ETS1: variants seen among roughly 807,000 people sequenced by gnomAD.
The protein encoded by ETS1 is protein C-ets-1.
A neutral mutation model predicts 58.6 loss-of-function variants in ETS1; 15 were observed. That is an observed-to-expected ratio of 0.26 (90% confidence interval 0.17 to 0.39). The LOEUF is 0.39. ETS1 is among the 10% of genes least tolerant of loss of function. ETS1 has a pLI of 1.00. For synonymous variants in ETS1, 214 were observed against 218.2 expected, an observed-to-expected ratio of 0.98 and a Z score of 0.17; for missense variants, 417 against 610.5, an observed-to-expected ratio of 0.68 and a Z score of 3.34.
In ETS1 at chr11:128,548,664, C is replaced by T. The variant is rs1396129364; in HGVS notation, c.214+7627G>A. On this transcript the variant is annotated intron_variant, in intron 3 of 9. Coordinates refer to ENST00000392668, the MANE Select transcript of ETS1 (RefSeq NM_001143820.2). ...CCCGCTTGGGGCCCAGGCGCTGCCA[C>T]AGGCCGAAGGGCGAGGTTCGGGCCG... Among the ~76,000 whole-genome samples the T allele has an allele frequency of 3.3e-5, 5 of 152,264 alleles. No individual in the cohort carries two copies. The South Asian group carries it at 1.0e-3, about 31-fold the overall frequency.
At chr11:128,572,487 T>C (rs76082970) in intron 2 of ETS1, among the ~76,000 whole-genome samples, 4,447 of 152,304 alleles carry the variant, frequency 0.029, 231 homozygotes, top group African/African-American at 0.099. Context: ...GAGAAATTTG[T>C]CAAAGCATTT....
intron 1 of ETS1, among the ~76,000 whole-genome samples, chr11:128,581,157 A>G (rs1864863139): frequency 6.6e-6 from 1 of 152,196 alleles, no homozygotes; most frequent in African/African-American, 2.4e-5. Flanking sequence ...ACCATACAGT[A>G]CTGAAATGGC....
chr11:128,508,020 T>C (rs1195946103), intron 3 of ETS1, among the ~76,000 whole-genome samples: 6 of 152,234 alleles, frequency 3.9e-5, no homozygotes, highest in Non-Finnish European at 8.8e-5. Flanking sequence ...AAAATAATGC[T>C]TTAGAGTTGG....
intron 1 of ETS1, among the ~76,000 whole-genome samples, chr11:128,581,978 T>A (rs1026858708): frequency 6.6e-5 from 10 of 152,252 alleles, no homozygotes; most frequent in Admixed American, 2.0e-4. Context: ...AGCAACTTCT[T>A]GGACTATGTC....
chr11:128,580,170 G>T (rs1864836563), intron 1 of ETS1, among the ~76,000 whole-genome samples: 1 of 103,192 alleles, frequency 9.7e-6, no homozygotes, highest in South Asian at 3.1e-4. Flanking sequence ...GTTATCGTTT[G>T]GACATTAAAA....
chr11:128,469,169 C>T (rs890130671), intron 8 of ETS1, among the ~76,000 whole-genome samples: 1 of 152,208 alleles, frequency 6.6e-6, no homozygotes, highest in Non-Finnish European at 1.5e-5. Flanking sequence ...AGTTAATTTG[C>T]TACTTTAAGA....
chr11:128,473,642 G>A (rs754353184), intron 8 of ETS1, among the ~76,000 whole-genome samples: 2 of 152,166 alleles, frequency 1.3e-5, no homozygotes, highest in Non-Finnish European at 2.9e-5. Flanking sequence ...TCTACCTGCA[G>A]GCATCCCCAA....
chr11:128,533,894 T>C (rs917343088), intron 3 of ETS1, among the ~76,000 whole-genome samples: 6 of 152,228 alleles, frequency 3.9e-5, no homozygotes, highest in Non-Finnish European at 8.8e-5. Context: ...ACTGAGTAAC[T>C]GAGTAAATGA....
At chr11:128,470,192 G>A (rs1267804380) in intron 8 of ETS1, among the ~76,000 whole-genome samples, 12 of 152,188 alleles carry the variant, frequency 7.9e-5, no homozygotes, top group Admixed American at 1.3e-4. Context: ...TTTGACTGCC[G>A]AGTTCATGTC....
chr11:128,521,878 G>T, intron 3 of ETS1: 2 of 1,569,972 alleles, frequency 1.3e-6, no homozygotes, highest in Non-Finnish European at 1.7e-6. Context: ...CTCTGGCCGA[G>T]AGCTTGGGTG....
At chr11:128,583,948 A>G (rs1864925144) in intron 1 of ETS1, among the ~76,000 whole-genome samples, 1 of 151,988 alleles carries the variant, frequency 6.6e-6, no homozygotes, top group Non-Finnish European at 1.5e-5. Context: ...TTCTACCTGA[A>G]CTCCCAAAGC....
At position 128,549,072 on chromosome 11, in the gene ETS1, G is replaced by A. The variant is rs925470097; in HGVS notation, c.214+7219C>T. 5.3e-5 allele frequency among the ~76,000 whole-genome samples: 8 copies of A among 152,304 alleles called. No individual in the cohort carries two copies. The East Asian group carries it at 1.5e-3, about 29-fold the overall frequency. Reference sequence around the variant, plus strand: ...AGCGGGCCGCCTCCTCCAGCTGCAGGCTCCGGGCTGAGACCCCTGGCTGCA... The same window carrying A: ...AGCGGGCCGCCTCCTCCAGCTGCAGACTCCGGGCTGAGACCCCTGGCTGCA... On this transcript the variant is annotated intron_variant, in intron 3 of 9. Coordinates refer to ENST00000392668, the MANE Select transcript of ETS1 (RefSeq NM_001143820.2). This position sits in a 1 kb window ranked among gnomAD's most constrained non-coding sequence, Gnocchi z 4.3.
At chr11:128,494,729 C>T (rs1256419871) in intron 3 of ETS1, among the ~76,000 whole-genome samples, 2 of 152,160 alleles carry the variant, frequency 1.3e-5, no homozygotes, top group Non-Finnish European at 2.9e-5. Flanking sequence ...CACTAGGTGG[C>T]TTTTGTTTGG....
At chr11:128,535,252 T>C (rs940465724) in intron 3 of ETS1, among the ~76,000 whole-genome samples, 1 of 152,248 alleles carries the variant, frequency 6.6e-6, no homozygotes, top group Non-Finnish European at 1.5e-5. Flanking sequence ...ATTCATGTTC[T>C]TTGCCCACTT....
chr11:128,532,322 G>A (rs982396150), intron 3 of ETS1, among the ~76,000 whole-genome samples: 23 of 152,294 alleles, frequency 1.5e-4, no homozygotes, highest in African/African-American at 5.3e-4. Flanking sequence ...CAAACCATCG[G>A]TGCTCTTAGG....
At chr11:128,571,125 T>C (rs968803641) in intron 2 of ETS1, among the ~76,000 whole-genome samples, 1 of 152,062 alleles carries the variant, frequency 6.6e-6, no homozygotes, top group African/African-American at 2.4e-5. Context: ...TGGTTTTTTT[T>C]AATGCTAAAA....
At chr11:128,513,513 C>T (rs1863443153) in intron 3 of ETS1, among the ~76,000 whole-genome samples, 2 of 152,176 alleles carry the variant, frequency 1.3e-5, no homozygotes, top group Non-Finnish European at 2.9e-5. Flanking sequence ...ATATTTATTC[C>T]TACTGGTAAG....
At chr11:128,561,490 C>T (rs1185923680) in intron 2 of ETS1, among the ~76,000 whole-genome samples, 2 of 152,172 alleles carry the variant, frequency 1.3e-5, no homozygotes, top group African/African-American at 4.8e-5. Context: ...AGATATTATT[C>T]AACTTGATTA....
chr11:128,525,517 T>C (rs1264790598), intron 3 of ETS1, among the ~76,000 whole-genome samples: 8 of 151,488 alleles, frequency 5.3e-5, no homozygotes, highest in Admixed American at 4.6e-4. Context: ...TAAAATATGC[T>C]TTACTGAAGG....
Sources: allele counts gnomAD v4.1 joint callset (sites outside exome capture counted in the v4.1 genomes callset), GRCh38; gene constraint gnomAD v4.1.1; non-coding constraint Gnocchi (gnomAD v3.1); transcripts MANE v1.5; gene names NCBI Gene and HGNC (gene_info 2026-07-23, HGNC 2026-07-21).